The following CORO2B variants were observed in gnomAD, a reference collection of about 807,000 sequenced individuals.
The protein encoded by CORO2B is coronin-2B.
A neutral mutation model predicts 58.8 loss-of-function variants in CORO2B; 26 were observed. That is an observed-to-expected ratio of 0.44 (90% CI 0.32 to 0.61). The LOEUF (loss-of-function observed/expected upper bound fraction) is 0.61. Among genes scored for constraint, CORO2B ranks in the 20% least tolerant of loss-of-function variants. The pLI is 0.04. For synonymous variants in CORO2B, 242 were observed against 253.8 expected, an observed-to-expected ratio of 0.95 and a Z score of 0.44; for missense variants, 460 against 645.1, an observed-to-expected ratio of 0.71 and a Z score of 3.11.
chr15:68,639,668 C>T (rs1901144506), intron 1 of CORO2B, among the ~76,000 whole-genome samples: 1 of 152,144 alleles, frequency 6.6e-6, no homozygotes, highest in African/African-American at 2.4e-5. Flanking sequence ...GGAGGTCATC[C>T]ACCTAAATCT....
intron 1 of CORO2B, among the ~76,000 whole-genome samples, chr15:68,630,548 C>G (rs1044858990): frequency 4.0e-5 from 6 of 151,510 alleles, no homozygotes; most frequent in Non-Finnish European, 7.4e-5. Context: ...GGACAGGTCA[C>G]AGGCAGTGTT....
rs141231689 is a variant in CORO2B at position 68,652,039 on chromosome 15, C to T, written c.216+6679C>T. On this transcript the variant is annotated intron_variant, in intron 2 of 11. Transcript: ENST00000261861. The stretch of plus-strand genomic sequence containing the variant: ...CAGCAGGTGGGTACAGCCATCCCCA[C>T]CTCACACTTGGGGAAGCTGAGACGG... 1.4e-4 allele frequency among the ~76,000 whole-genome samples: 21 copies of T among 152,324 alleles called. 1 individual carries two copies. Among genetic ancestry groups the T allele is most frequent in the African/African-American group, 5.0e-4 (21 of 41,588 alleles).
At chr15:68,706,181 C>T (rs942335049) in intron 3 of CORO2B, among the ~76,000 whole-genome samples, 6 of 152,202 alleles carry the variant, frequency 3.9e-5, no homozygotes, top group Non-Finnish European at 5.9e-5. Flanking sequence ...GGCTGACCCC[C>T]GTGCAGGTTC....
chr15:68,565,954 G>A, the CORO2B span, among the ~76,000 whole-genome samples: 2 of 152,184 alleles, frequency 1.3e-5, no homozygotes, highest in Admixed American at 6.5e-5. Context: ...AGGGAGCCTT[G>A]GGGTGTTAAT....
intron 1 of CORO2B, among the ~76,000 whole-genome samples, chr15:68,596,609 G>A (rs762951839): frequency 1.3e-4 from 20 of 152,146 alleles, no homozygotes; most frequent in Non-Finnish European, 2.4e-4. Flanking sequence ...CGACTGACTG[G>A]GAGGACAGAT....
At chr15:68,575,075 C>T (rs1687888043), upstream of CORO2B, among the ~76,000 whole-genome samples, 1 of 152,192 alleles carries the variant, frequency 6.6e-6, no homozygotes, top group Admixed American at 6.5e-5. Context: ...TGACAGCATC[C>T]CACCTCCATA....
the CORO2B span, among the ~76,000 whole-genome samples, chr15:68,554,965 C>T: frequency 6.6e-6 from 1 of 152,198 alleles, no homozygotes; most frequent in Non-Finnish European, 1.5e-5. Context: ...TGTGTGAGCG[C>T]AGAAAGGAAT....
intron 1 of CORO2B, among the ~76,000 whole-genome samples, chr15:68,634,325 G>A (rs1458706117): frequency 6.6e-6 from 1 of 152,196 alleles, no homozygotes; most frequent in Non-Finnish European, 1.5e-5. Flanking sequence ...CTCACTCGCT[G>A]GCCGGCAGGG....
At chr15:68,723,899 ACT>A (rs987222553) in intron 11 of CORO2B, among the ~76,000 whole-genome samples, 3 of 151,954 alleles carry the variant, frequency 2.0e-5, no homozygotes, top group African/African-American at 7.3e-5. Context: ...ACATGGCAAG[ACT>A]CTATCCCTAA....
intron 2 of CORO2B, among the ~76,000 whole-genome samples, chr15:68,657,391 C>G (rs2140283475): frequency 6.6e-6 from 1 of 151,880 alleles, no homozygotes; most frequent in Non-Finnish European, 1.5e-5. Context: ...GTGGCATATG[C>G]TAGTAGTCCC....
At chr15:68,705,776 A>G (rs1406725650) in intron 3 of CORO2B, among the ~76,000 whole-genome samples, 2 of 152,130 alleles carry the variant, frequency 1.3e-5, no homozygotes, top group East Asian at 3.9e-4. Context: ...ATGTCAGCTC[A>G]TGTATCTAGA....
intron 2 of CORO2B, among the ~76,000 whole-genome samples, chr15:68,691,266 C>T (rs1224831472): frequency 1.4e-5 from 2 of 145,928 alleles, no homozygotes; most frequent in Non-Finnish European, 3.0e-5. Context: ...GGGGGCAGAG[C>T]TTGCAGTGAG....
At chr15:68,633,066 A>G (rs1199398789) in intron 1 of CORO2B, among the ~76,000 whole-genome samples, 1 of 152,172 alleles carries the variant, frequency 6.6e-6, no homozygotes, top group Non-Finnish European at 1.5e-5. Context: ...CTAGTGGTGC[A>G]ATGTAGCCCA....
chr15:68,651,981 A>G (rs2140278794), intron 2 of CORO2B, among the ~76,000 whole-genome samples: 1 of 152,364 alleles, frequency 6.6e-6, no homozygotes, highest in African/African-American at 2.4e-5. Context: ...AGCACTCTCA[A>G]GTTCCAGCAA....
chr15:68,672,159 G>GGCGTGTGTGT (rs1555415403), intron 2 of CORO2B, among the ~76,000 whole-genome samples: 1 of 146,178 alleles, frequency 6.8e-6, no homozygotes, highest in African/African-American at 2.5e-5. Flanking sequence ...GTAATCGGGA[G>GGCGTGTGTGT]GTGTGTGTGT....
At chr15:68,647,357 C>T (rs577680403) in intron 2 of CORO2B, among the ~76,000 whole-genome samples, 9 of 152,192 alleles carry the variant, frequency 5.9e-5, no homozygotes, top group Middle Eastern at 3.4e-3. Flanking sequence ...CAAAGTATTC[C>T]TGTGAAGAAT....
At chr15:68,624,480 C>T (rs1900622768) in intron 1 of CORO2B, among the ~76,000 whole-genome samples, 1 of 152,154 alleles carries the variant, frequency 6.6e-6, no homozygotes, top group Non-Finnish European at 1.5e-5. Context: ...GTGAAAGGTA[C>T]TGTTCACAGT....
At chr15:68,688,211 T>C (rs974890092) in intron 2 of CORO2B, among the ~76,000 whole-genome samples, 1 of 152,258 alleles carries the variant, frequency 6.6e-6, no homozygotes, top group African/African-American at 2.4e-5. Context: ...ATATCTGTTT[T>C]TTTAATAACA....
chr15:68,586,226 G>A (rs1899553406), intron 1 of CORO2B, among the ~76,000 whole-genome samples: 3 of 152,290 alleles, frequency 2.0e-5, no homozygotes, highest in African/African-American at 7.2e-5. Context: ...CGATCCATGT[G>A]AAGCACTTAC....
Sources: gnomAD v4.1 joint callset for allele counts (sites outside exome capture counted in the v4.1 genomes callset) on GRCh38, gnomAD v4.1.1 for gene constraint, MANE v1.5 for transcripts, NCBI Gene and HGNC (gene_info 2026-07-23, HGNC 2026-07-21) for gene names.